Variants in CBY1 observed in about 807,000 individuals in gnomAD.
CBY1 encodes protein chibby homolog 1.
A neutral mutation model predicts 15.6 loss-of-function variants in CBY1; 10 were observed. The observed-to-expected ratio is 0.64, with a 90% CI of 0.40 to 1.09. The LOEUF is 1.09. Ranked by LOEUF, CBY1 falls within the 50% of genes least tolerant of loss-of-function variation. The pLI is 0.01. For missense variants in CBY1, 150 were observed against 160.5 expected (o/e 0.93, Z 0.35); for synonymous variants, 61 against 63.5 (o/e 0.96, Z 0.19).
intron 2 of CBY1, among the ~76,000 whole-genome samples, chr22:38,669,092 C>T (rs1280754741): frequency 6.6e-6 from 1 of 152,202 alleles, no homozygotes; most frequent in Non-Finnish European, 1.5e-5. Context: ...TGAAGTCGGT[C>T]CTCCCCTACA....
chr22:38,663,551 C>T (rs1263979534), intron 1 of CBY1, among the ~76,000 whole-genome samples: 1 of 151,056 alleles, frequency 6.6e-6, no homozygotes. Context: ...CAAAAATTAG[C>T]CGGGCGTGGT....
chr22:38,659,044 G>A (rs6001186), intron 1 of CBY1, among the ~76,000 whole-genome samples: 2 of 151,456 alleles, frequency 1.3e-5, no homozygotes, highest in African/African-American at 2.4e-5. Context: ...CAAGCAATTC[G>A]CATGCCTCAG....
chr22:38,658,029 A>G (rs2092407167), intron 1 of CBY1, among the ~76,000 whole-genome samples: 1 of 152,122 alleles, frequency 6.6e-6, no homozygotes, highest in Non-Finnish European at 1.5e-5. Context: ...TAACCTATAA[A>G]ATGACAAGTT....
At chr22:38,666,233 AT>A (rs143865290) in intron 1 of CBY1, among the ~76,000 whole-genome samples, 4 of 139,198 alleles carry the variant, frequency 2.9e-5, no homozygotes, top group African/African-American at 5.4e-5. Flanking sequence ...ATATATATAT[AT>A]TTTTTTTTCT....
chr22:38,667,998 T>C lies in CBY1; in HGVS notation c.-38-19T>C. The C allele has an allele frequency of 6.8e-7, 1 of 1,469,652 alleles. No homozygotes were observed. The highest frequency in any genetic ancestry group is 9.5e-7 in the Non-Finnish European group (1 of 1,050,924). The allele number at this position is 1,469,652 out of a possible 1,614,324, so 91.0% of individuals were successfully genotyped here. ...TCAGTGATCCAGCTGCTTGTACCCC[T>C]GACTTTTTCTGACCCTAGGAGAAGG... On this transcript the variant is annotated intron_variant, in intron 1 of 4. Transcript: ENST00000216029.
intron 1 of CBY1, chr22:38,665,640 G>C: frequency 1.3e-6 from 1 of 798,898 alleles, no homozygotes; most frequent in Non-Finnish European, 1.7e-6. Flanking sequence ...GAAGCCAGAT[G>C]CAAACGAGGA....
chr22:38,659,268 G>T (rs1191740068), intron 1 of CBY1, among the ~76,000 whole-genome samples: 3 of 148,308 alleles, frequency 2.0e-5, no homozygotes, highest in Non-Finnish European at 4.5e-5. Context: ...TTTGTTTTTT[G>T]TTTTTTTTTG....
intron 1 of CBY1, 92 bp from the exon 2 acceptor site, chr22:38,667,925 C>G: frequency 1.5e-6 from 1 of 665,782 alleles, no homozygotes; most frequent in Non-Finnish European, 2.7e-6. Context: ...CGTTAGTAGC[C>G]ACATGATAAA....
chr22:38,660,714 C>CA (rs2092419988), intron 1 of CBY1, among the ~76,000 whole-genome samples: 1 of 151,914 alleles, frequency 6.6e-6, no homozygotes, highest in Admixed American at 6.6e-5. Context: ...GAAACTACCC[C>CA]AAACCCTAGC....
intron 1 of CBY1, among the ~76,000 whole-genome samples, chr22:38,666,241 TTC>T (rs931062672): frequency 1.4e-5 from 2 of 143,748 alleles, no homozygotes; most frequent in African/African-American, 5.2e-5. Flanking sequence ...ATATTTTTTT[TTC>T]TTTTTTAACC....
intron 1 of CBY1, among the ~76,000 whole-genome samples, chr22:38,658,997 G>A (rs888389871): frequency 6.6e-6 from 1 of 151,960 alleles, no homozygotes; most frequent in Non-Finnish European, 1.5e-5. Flanking sequence ...GTGCAGTGGC[G>A]CAATTTCTGC....
intron 1 of CBY1, among the ~76,000 whole-genome samples, chr22:38,661,905 G>A (rs545524920): frequency 2.6e-5 from 4 of 152,236 alleles, no homozygotes; most frequent in Non-Finnish European, 4.4e-5. Flanking sequence ...GTGAGAGGTC[G>A]GCTGTTTTCT....
intron 1 of CBY1, 37 bp from the exon 2 acceptor site, chr22:38,667,980 T>A (rs1434120647): frequency 4.4e-6 from 5 of 1,135,430 alleles, no homozygotes; most frequent in Non-Finnish European, 6.7e-6. Context: ...AGGTCAGTGA[T>A]CCAGCTGCTT....
At chr22:38,663,703 A>C (rs2092428319) in intron 1 of CBY1, among the ~76,000 whole-genome samples, 1 of 150,126 alleles carries the variant, frequency 6.7e-6, no homozygotes, top group Admixed American at 6.7e-5. Context: ...TCTCCAAAAA[A>C]AAAAAAAAAA....
intron 4 of CBY1, among the ~76,000 whole-genome samples, chr22:38,672,356 T>C (rs1877024661): frequency 6.6e-6 from 1 of 152,088 alleles, no homozygotes; most frequent in Admixed American, 6.6e-5. Context: ...AGTCTCGCTC[T>C]GTAGCCTGGG....
chr22:38,658,862 G>A (rs1231537834), intron 1 of CBY1, among the ~76,000 whole-genome samples: 1 of 152,252 alleles, frequency 6.6e-6, no homozygotes, highest in Non-Finnish European at 1.5e-5. Flanking sequence ...GTTAAAGCAT[G>A]TCAGAAGTCT....
At chr22:38,660,236 C>G (rs2092418255) in intron 1 of CBY1, among the ~76,000 whole-genome samples, 1 of 151,728 alleles carries the variant, frequency 6.6e-6, no homozygotes, top group Non-Finnish European at 1.5e-5. Context: ...GCTCTGTCAC[C>G]CAGGCTGGAG....
At chr22:38,667,010 C>A (rs35522482) in intron 1 of CBY1, among the ~76,000 whole-genome samples, 44,208 of 145,076 alleles carry the variant, frequency 0.3, 6,536 homozygotes, top group East Asian at 0.37. Context: ...CCATTTCTTT[C>A]TTTATTTTTT....
At position 38,673,280 on chromosome 22, in the gene CBY1, C is replaced by A; in HGVS notation, c.*44C>A. 7.5e-7 allele frequency: 1 copy of A among 1,340,656 alleles called. No individual in the cohort carries two copies. The highest frequency in any genetic ancestry group is 1.2e-5 in the South Asian group (1 of 83,048). The allele number at this position is 1,340,656 out of a possible 1,614,324, so 83.0% of individuals were successfully genotyped here. On this transcript the variant is annotated 3_prime_UTR_variant, in exon 5 of 5. Coordinates refer to ENST00000216029, the MANE Select transcript of CBY1 (RefSeq NM_015373.4). Reference sequence around the variant, plus strand: ...TTGGGGAGTAGGATGTGGCTGAGTGCTTTTTTTTTGGCCAGACTAGCGGAT... The same window carrying A: ...TTGGGGAGTAGGATGTGGCTGAGTGATTTTTTTTTGGCCAGACTAGCGGAT...
Sources: gnomAD v4.1 joint callset for allele counts (sites outside exome capture counted in the v4.1 genomes callset) on GRCh38, gnomAD v4.1.1 for gene constraint, MANE v1.5 for transcripts, NCBI Gene and HGNC (gene_info 2026-07-23, HGNC 2026-07-21) for gene names.